The following DMD variants were observed in gnomAD, a reference collection of about 807,000 sequenced individuals.
The protein encoded by DMD is dystrophin.
A neutral mutation model predicts 330.1 loss-of-function variants in DMD; 63 were observed. The ratio of observed to expected loss-of-function variants is 0.19; its 90% CI spans 0.16 to 0.24. The LOEUF is 0.24. DMD is among the 10% of genes least tolerant of loss of function. The pLI, the probability that DMD is intolerant of heterozygous loss-of-function variation, is 1.00. For synonymous variants in DMD, 1,223 were observed against 959.8 expected (o/e 1.27, Z -5.07); for missense variants, 3,344 against 2,684.1 (o/e 1.25, Z -5.43).
At chrX:31,811,774 T>C (rs1245650650) in intron 50 of DMD, among the ~76,000 whole-genome samples, 4 of 111,370 alleles carry the variant, frequency 3.6e-5, no homozygotes, top group Non-Finnish European at 7.5e-5. Context: ...AGATTTGGCC[T>C]CACGGAAATT....
chrX:32,458,795 A>C (rs2098371913), intron 25 of DMD, among the ~76,000 whole-genome samples: 1 of 111,734 alleles, frequency 8.9e-6, no homozygotes, highest in Non-Finnish European at 1.9e-5. Context: ...CGTATTCTTT[A>C]GAGAAATGAC....
chrX:32,672,431 A>T (rs2061689333), intron 9 of DMD, among the ~76,000 whole-genome samples: 1 of 111,529 alleles, frequency 9.0e-6, no homozygotes, highest in African/African-American at 3.3e-5. Flanking sequence ...ATATTATTAA[A>T]TCATGGGAAA....
chrX:31,861,928 C>A (rs1404191866), intron 48 of DMD, among the ~76,000 whole-genome samples: 1 of 79,003 alleles, frequency 1.3e-5, no homozygotes, highest in Non-Finnish European at 2.3e-5. Context: ...TTTAAGAGGA[C>A]AAGAGTAGAA....
intron 7 of DMD, among the ~76,000 whole-genome samples, chrX:32,777,282 G>GGGGT (rs1368782701): frequency 1.8e-5 from 1 of 54,128 alleles, no homozygotes; most frequent in Non-Finnish European, 3.7e-5. Flanking sequence ...CTGGTTGGGG[G>GGGGT]GGGAATCCTA....
intron 19 of DMD, among the ~76,000 whole-genome samples, chrX:32,495,909 T>C (rs183461563): frequency 3.6e-5 from 4 of 111,984 alleles, no homozygotes; most frequent in African/African-American, 6.5e-5. Flanking sequence ...GCAATACTTA[T>C]GGAAACCATT....
chrX:32,021,037 C>A (rs2095802527), intron 44 of DMD, among the ~76,000 whole-genome samples: 1 of 112,119 alleles, frequency 8.9e-6, no homozygotes, highest in Non-Finnish European at 1.9e-5. Context: ...TGTGTGCATA[C>A]CCTATGACCT....
chrX:32,663,145 G>T (rs2061059416), intron 9 of DMD, among the ~76,000 whole-genome samples: 1 of 111,823 alleles, frequency 8.9e-6, no homozygotes. Context: ...TAGAAAGCTT[G>T]TTTGATTTTA....
chrX:31,146,486 T>C, intron 75 of DMD, 72 bp from the exon 76 acceptor site: 1 of 1,072,227 alleles, frequency 9.3e-7, no homozygotes. Flanking sequence ...CAAAATATGA[T>C]ACACACTCAG....
chrX:31,721,170 C>A (rs1389515328), intron 52 of DMD, among the ~76,000 whole-genome samples: 2 of 111,330 alleles, frequency 1.8e-5, no homozygotes, highest in Admixed American at 9.6e-5. Context: ...AATAAAAGAA[C>A]CACGAGATTT....
intron 74 of DMD, among the ~76,000 whole-genome samples, chrX:31,160,952 A>G (rs909323059): frequency 9.0e-6 from 1 of 111,470 alleles, no homozygotes; most frequent in African/African-American, 3.3e-5. Context: ...AGAGTTCAGG[A>G]CCACCACCCA....
intron 51 of DMD, among the ~76,000 whole-genome samples, chrX:31,753,997 C>CAA (rs2088834927): frequency 9.0e-6 from 1 of 111,323 alleles, no homozygotes; most frequent in Non-Finnish European, 1.9e-5. Flanking sequence ...CAATGATGAA[C>CAA]ATTTCAGGTG....
intron 55 of DMD, among the ~76,000 whole-genome samples, chrX:31,623,457 G>T (rs899003887): frequency 1.8e-5 from 2 of 110,469 alleles, no homozygotes; most frequent in East Asian, 5.7e-4. Flanking sequence ...AGAGACGGGG[G>T]TTTCACCTTG....
At chrX:32,535,642 C>T (rs923454276) in intron 17 of DMD, among the ~76,000 whole-genome samples, 3 of 111,504 alleles carry the variant, frequency 2.7e-5, no homozygotes, top group African/African-American at 9.8e-5. Context: ...CCTTACGTTA[C>T]TAGTGCTTTG....
chrX:32,809,472 G>A (rs761163266), intron 7 of DMD, 21 bp downstream of exon 7: 63 of 1,146,516 alleles, frequency 5.5e-5, no homozygotes, highest in Middle Eastern at 2.4e-4. Flanking sequence ...AAAAGCAGTG[G>A]TAGTCCAGAA....
At chrX:31,800,319 A>G (rs2092004691) in intron 50 of DMD, among the ~76,000 whole-genome samples, 1 of 112,527 alleles carries the variant, frequency 8.9e-6, no homozygotes, top group Admixed American at 9.4e-5. Flanking sequence ...TGCAAACCTC[A>G]ATTCTTGACT....
intron 15 of DMD, among the ~76,000 whole-genome samples, chrX:32,567,369 C>T (rs1006797914): frequency 2.7e-5 from 3 of 111,602 alleles, no homozygotes; most frequent in South Asian, 3.8e-4. Context: ...ATAAAACTCA[C>T]GGTGTGGGGG....
chrX:32,836,692 T>TA (rs1438015898), intron 4 of DMD, among the ~76,000 whole-genome samples: 2 of 111,897 alleles, frequency 1.8e-5, no homozygotes, highest in African/African-American at 6.5e-5. Flanking sequence ...GGTTTTCATA[T>TA]GGAATGCTTT....
chrX:32,797,071 C>A (rs886452241), intron 7 of DMD, among the ~76,000 whole-genome samples: 5 of 111,844 alleles, frequency 4.5e-5, no homozygotes, highest in African/African-American at 1.6e-4. Context: ...CAGTGCCCAG[C>A]TTTAAGGTTT....
At chrX:32,637,355 A>T (rs1341591926) in intron 11 of DMD, among the ~76,000 whole-genome samples, 2 of 112,179 alleles carry the variant, frequency 1.8e-5, no homozygotes, top group African/African-American at 6.5e-5. Context: ...AACAAGACAT[A>T]GTTTTGATAT....
Sources: gnomAD v4.1 joint callset for allele counts (sites outside exome capture counted in the v4.1 genomes callset) on GRCh38, gnomAD v4.1.1 for gene constraint, MANE v1.5 for transcripts, NCBI Gene and HGNC (gene_info 2026-07-23, HGNC 2026-07-21) for gene names.